Variants in CHODL observed in about 807,000 individuals in gnomAD.
CHODL encodes the protein transmembrane protein MT75.
A neutral mutation model predicts 34.5 loss-of-function variants in CHODL; 29 were observed. The ratio of observed to expected loss-of-function variants is 0.84; its 90% CI spans 0.63 to 1.15. The LOEUF is 1.15. Among genes scored for constraint, CHODL ranks in the 50% most tolerant of loss-of-function variants. The probability of loss-of-function intolerance (pLI) is 0.00; values close to 1 mark genes in which losing one functional copy is unlikely to be tolerated. For synonymous variants in CHODL, 125 were observed against 116.1 expected (o/e 1.08, Z -0.49); for missense variants, 332 against 332.5 (o/e 1.00, Z 0.01).
At chr21:17,971,292 G>A (rs933415924) in intron 1 of CHODL, among the ~76,000 whole-genome samples, 10 of 152,154 alleles carry the variant, frequency 6.6e-5, no homozygotes, top group Non-Finnish European at 1.3e-4. Context: ...AGTTATAGAT[G>A]CTTGAGGAAT....
At chr21:18,026,055 A>G (rs1354327095) in intron 1 of CHODL, among the ~76,000 whole-genome samples, 2 of 152,190 alleles carry the variant, frequency 1.3e-5, no homozygotes, top group Admixed American at 6.5e-5. Context: ...CCACTGTAAT[A>G]TAGGTTTGGT....
intron 2 of CHODL, among the ~76,000 whole-genome samples, chr21:18,198,209 A>G (rs2073610782): frequency 6.6e-6 from 1 of 152,210 alleles, no homozygotes; most frequent in Admixed American, 6.5e-5. Context: ...CATATTCCCT[A>G]GGTAGATACA....
At chr21:17,987,570 C>A (rs2063763306) in intron 1 of CHODL, among the ~76,000 whole-genome samples, 1 of 152,086 alleles carries the variant, frequency 6.6e-6, no homozygotes, top group African/African-American at 2.4e-5. Context: ...TTCATTTTGT[C>A]CTCATCTCCT....
intron 2 of CHODL, among the ~76,000 whole-genome samples, chr21:18,236,279 G>C (rs2074028198): frequency 6.6e-6 from 1 of 152,048 alleles, no homozygotes; most frequent in Non-Finnish European, 1.5e-5. Flanking sequence ...CATGAGACTA[G>C]CATAAGGGAA....
At chr21:18,014,862 A>G (rs1054667466) in intron 1 of CHODL, among the ~76,000 whole-genome samples, 2 of 152,198 alleles carry the variant, frequency 1.3e-5, no homozygotes, top group East Asian at 1.9e-4. Flanking sequence ...AGGCTGAGGT[A>G]TTTCTTTATA....
intron 2 of CHODL, among the ~76,000 whole-genome samples, chr21:18,137,947 A>G (rs531820779): frequency 6.6e-6 from 1 of 152,298 alleles, no homozygotes; most frequent in East Asian, 1.9e-4. Context: ...CTTGCTGAAT[A>G]CAATTTTAAA....
intron 1 of CHODL, among the ~76,000 whole-genome samples, chr21:17,940,836 C>T (rs1457552009): frequency 2.6e-5 from 4 of 152,170 alleles, no homozygotes; most frequent in Non-Finnish European, 5.9e-5. Flanking sequence ...TATGAGCACA[C>T]TGTCAGATTC....
chr21:18,230,004 CT>C lies in CHODL; in HGVS notation c.-44-26504del, dbSNP rs148684268. On this transcript the variant is annotated intron_variant, in intron 2 of 6. Coordinates refer to the CHODL transcript ENST00000400127. ...ATCAATTAATTGGGGAATTATACTC[CT>C]CCCAAAGAAGGTGTGAGGAAAAAGT... 2.9e-3 allele frequency among the ~76,000 whole-genome samples: 440 copies of C among 152,242 alleles called. 1 individual carries two copies. Among genetic ancestry groups the C allele is most frequent in the Middle Eastern group, 0.01 (3 of 294 alleles).
At position 18,258,817 on chromosome 21, in the gene CHODL, G is replaced by A. The variant is rs1375430524; in HGVS notation, c.548-1383G>A. On this transcript the variant is annotated intron_variant, in intron 3 of 5. Coordinates refer to ENST00000299295, the MANE Select transcript of CHODL (RefSeq NM_024944.3). ...ATTTAGTTAACCCTCCTTGAGCTTA[G>A]TGTCTGCTTAGTAAAGGATGTTGGT... is the stretch of plus-strand genomic sequence containing the variant. 7.9e-5 allele frequency among the ~76,000 whole-genome samples: 12 copies of A among 151,958 alleles called. No homozygotes were observed. In the East Asian group the frequency reaches 2.1e-3, roughly 27 times the overall value.
intron 2 of CHODL, among the ~76,000 whole-genome samples, chr21:18,096,556 A>G (rs773436099): frequency 1.3e-5 from 2 of 152,158 alleles, no homozygotes; most frequent in African/African-American, 2.4e-5. Flanking sequence ...ATAAGGGATG[A>G]AATATGCCCT....
At chr21:18,068,652 C>G (rs929339344) in intron 2 of CHODL, among the ~76,000 whole-genome samples, 1 of 152,284 alleles carries the variant, frequency 6.6e-6, no homozygotes, top group Non-Finnish European at 1.5e-5. Flanking sequence ...TTGAAGTCCT[C>G]ATCTTACTTG....
At chr21:17,927,562 T>A (rs979272245) in intron 1 of CHODL, among the ~76,000 whole-genome samples, 2 of 152,130 alleles carry the variant, frequency 1.3e-5, no homozygotes, top group Admixed American at 6.5e-5. Context: ...CTATAATGGA[T>A]CCTCAGAGGC....
chr21:18,119,341 G>A (rs899377771), intron 2 of CHODL, among the ~76,000 whole-genome samples: 1 of 151,840 alleles, frequency 6.6e-6, no homozygotes, highest in Non-Finnish European at 1.5e-5. Context: ...TTAACTCCCC[G>A]TTTGCTTACC....
intron 1 of CHODL, among the ~76,000 whole-genome samples, chr21:17,984,368 A>G (rs2063737443): frequency 6.6e-6 from 1 of 152,106 alleles, no homozygotes. Context: ...CTGATTTTAA[A>G]TCCTTTGGAT....
chr21:18,194,963 G>A lies in CHODL; in HGVS notation c.-44-61546G>A, dbSNP rs913779593. 1.1e-4 allele frequency among the ~76,000 whole-genome samples: 17 copies of A among 152,046 alleles called. No individual in the cohort carries two copies. The South Asian group carries it at 2.1e-3, about 19-fold the overall frequency. ...ACATGCTTATCATTTTCTGTGGGGA[G>A]AAAACCTAAAATCTACTCATTTTGC... On this transcript the variant is annotated intron_variant, in intron 2 of 6. Transcript: ENST00000400127.
intron 2 of CHODL, among the ~76,000 whole-genome samples, chr21:18,216,634 A>G (rs556846165): frequency 2.6e-5 from 4 of 152,356 alleles, no homozygotes; most frequent in Admixed American, 2.0e-4. Flanking sequence ...TCGCACTGCT[A>G]TAAAAAATAC....
chr21:18,201,801 T>C (rs1235916087), intron 2 of CHODL, among the ~76,000 whole-genome samples: 2 of 98,992 alleles, frequency 2.0e-5, no homozygotes, highest in African/African-American at 4.4e-5. Context: ...TTTTAAAAAC[T>C]TTTTTTTTTT....
chr21:18,252,428 T>C (rs2074269032), intron 1 of CHODL, among the ~76,000 whole-genome samples: 1 of 152,224 alleles, frequency 6.6e-6, no homozygotes, highest in Non-Finnish European at 1.5e-5. Flanking sequence ...TTCCAGAAGA[T>C]CTGCATTAAC....
At chr21:17,928,728 C>G (rs982758930) in intron 1 of CHODL, among the ~76,000 whole-genome samples, 1 of 152,088 alleles carries the variant, frequency 6.6e-6, no homozygotes, top group Non-Finnish European at 1.5e-5. Flanking sequence ...GCTGTGGAAA[C>G]CAAGTCTGTA....
Sources: allele counts gnomAD v4.1 joint callset (sites outside exome capture counted in the v4.1 genomes callset), GRCh38; gene constraint gnomAD v4.1.1; transcripts MANE v1.5; gene names NCBI Gene and HGNC (gene_info 2026-07-23, HGNC 2026-07-21).